The following FYB2 variants were observed in gnomAD, a reference collection of about 807,000 sequenced individuals.
The protein encoded by FYB2 is FYN binding protein 2, also known as FYN-binding protein 2.
FYB2 carries 103 observed loss-of-function variants against 94.1 expected under a neutral mutation model. That is an observed-to-expected ratio of 1.09 (90% CI 0.93 to 1.29). The LOEUF (loss-of-function observed/expected upper bound fraction) is 1.29, where lower values mean the gene tolerates loss of function less well. FYB2 is among the 50% of genes most tolerant of loss of function. FYB2 has a pLI of 0.00. For synonymous variants in FYB2, 293 were observed against 287.9 expected, an observed-to-expected ratio of 1.02 and a Z score of -0.18; for missense variants, 896 against 841.5, an observed-to-expected ratio of 1.06 and a Z score of -0.80.
At chr1:56,781,782 T>A (rs1285885536) in intron 4 of FYB2, among the ~76,000 whole-genome samples, 1 of 152,202 alleles carries the variant, frequency 6.6e-6, no homozygotes, top group Non-Finnish European at 1.5e-5. Context: ...GCTCACAAGA[T>A]ACTCCACCTC....
At chr1:56,786,847 T>A (rs1646142726) in intron 4 of FYB2, among the ~76,000 whole-genome samples, 1 of 152,134 alleles carries the variant, frequency 6.6e-6, no homozygotes. Context: ...ATTCCTAACA[T>A]CACACCAGCT....
intron 1 of FYB2, among the ~76,000 whole-genome samples, chr1:56,807,306 C>T (rs1646670153): frequency 6.6e-6 from 1 of 152,252 alleles, no homozygotes; most frequent in East Asian, 1.9e-4. Context: ...ACTCCTCAGC[C>T]GATGTGGCCA....
chr1:56,776,735 G>T (rs147804627), intron 4 of FYB2, among the ~76,000 whole-genome samples: 1 of 152,102 alleles, frequency 6.6e-6, no homozygotes. Context: ...ATAGGAGCCT[G>T]GTCTCCTGAC....
At chr1:56,826,068 G>T in the FYB2 span, among the ~76,000 whole-genome samples, 1 of 152,174 alleles carries the variant, frequency 6.6e-6, no homozygotes, top group African/African-American at 2.4e-5. Flanking sequence ...GTGCCCGATG[G>T]TCACTGGCAC....
At chr1:56,815,272 T>G (rs1646857610) in intron 1 of FYB2, among the ~76,000 whole-genome samples, 2 of 151,980 alleles carry the variant, frequency 1.3e-5, no homozygotes, top group African/African-American at 4.8e-5. Context: ...TGCCACTTCC[T>G]CCTCCTCTGA....
intron 14 of FYB2, among the ~76,000 whole-genome samples, chr1:56,737,812 C>T (rs1187746288): frequency 6.6e-6 from 1 of 152,030 alleles, no homozygotes; most frequent in African/African-American, 2.4e-5. Flanking sequence ...TAAATACCTT[C>T]AAATGTGGGT....
intron 4 of FYB2, among the ~76,000 whole-genome samples, chr1:56,776,272 A>G (rs1181161961): frequency 6.6e-6 from 1 of 152,136 alleles, no homozygotes; most frequent in African/African-American, 2.4e-5. Flanking sequence ...TCTTTTATAT[A>G]TTAGTTATTT....
intron 1 of FYB2, among the ~76,000 whole-genome samples, chr1:56,807,675 A>T (rs1356332505): frequency 3.3e-5 from 5 of 152,230 alleles, no homozygotes; most frequent in South Asian, 4.1e-4. Flanking sequence ...AGAACCTCAG[A>T]TTCTTCTAAC....
At chr1:56,770,658 A>G (rs1553161840) in intron 4 of FYB2, among the ~76,000 whole-genome samples, 2 of 152,156 alleles carry the variant, frequency 1.3e-5, no homozygotes, top group Non-Finnish European at 2.9e-5. Context: ...AAAGTGAAAA[A>G]GGTTATTTTA....
At chr1:56,771,484 T>C (rs191391040) in intron 4 of FYB2, among the ~76,000 whole-genome samples, 216 of 152,122 alleles carry the variant, frequency 1.4e-3, no homozygotes, top group African/African-American at 4.8e-3. Context: ...ATGATTGGAG[T>C]TGCCTCTGCA....
chr1:56,723,512 AC>A, intron 17 of FYB2, 75 bp downstream of exon 17: 1 of 793,690 alleles, frequency 1.3e-6, no homozygotes. Flanking sequence ...GGCACAGCAT[AC>A]TTACAGATTT....
chr1:56,820,885 A>C (rs569123734), upstream of FYB2, among the ~76,000 whole-genome samples: 1 of 152,338 alleles, frequency 6.6e-6, no homozygotes, highest in Admixed American at 6.5e-5. Flanking sequence ...ACCTTGTGTA[A>C]TCGTGCTGAT....
At chr1:56,769,535 T>A (rs978381082) in intron 4 of FYB2, among the ~76,000 whole-genome samples, 1 of 152,184 alleles carries the variant, frequency 6.6e-6, no homozygotes, top group Non-Finnish European at 1.5e-5. Flanking sequence ...AGCTATACTA[T>A]TATTTTCCAT....
intron 8 of FYB2, among the ~76,000 whole-genome samples, chr1:56,753,113 C>T (rs1369128038): frequency 6.6e-6 from 1 of 152,032 alleles, no homozygotes; most frequent in Non-Finnish European, 1.5e-5. Flanking sequence ...GTTTGACTTA[C>T]CCTACTTCTG....
chr1:56,797,425 C>A (rs1033377779), intron 1 of FYB2, among the ~76,000 whole-genome samples: 1 of 152,178 alleles, frequency 6.6e-6, no homozygotes, highest in Non-Finnish European at 1.5e-5. Context: ...TCTCTACCTA[C>A]CTTACCCTGG....
At chr1:56,731,861 A>G (rs951779508) in intron 15 of FYB2, 2 of 152,192 alleles carry the variant, frequency 1.3e-5, no homozygotes, top group African/African-American at 2.4e-5. Context: ...AATAAAGGCC[A>G]TATATAACAA....
intron 3 of FYB2, 85 bp from the exon 4 acceptor site, chr1:56,787,293 C>T (rs916006205): frequency 6.6e-7 from 1 of 1,522,926 alleles, no homozygotes; most frequent in Middle Eastern, 1.7e-4. Flanking sequence ...GACTTGATCC[C>T]ACAGATAATG....
At chr1:56,746,555 A>G (rs918780211) in intron 9 of FYB2, among the ~76,000 whole-genome samples, 5 of 152,012 alleles carry the variant, frequency 3.3e-5, no homozygotes, top group African/African-American at 1.2e-4. Context: ...ATAATTTAGT[A>G]TGCACTCTAT....
chr1:56,723,215 A>ACACACACACG (rs1644520059), intron 17 of FYB2, among the ~76,000 whole-genome samples: 1 of 151,230 alleles, frequency 6.6e-6, no homozygotes, highest in African/African-American at 2.5e-5. Flanking sequence ...ACACACACAC[A>ACACACACACG]CACACACACG....
Sources: gnomAD v4.1 joint callset for allele counts (sites outside exome capture counted in the v4.1 genomes callset) on GRCh38, gnomAD v4.1.1 for gene constraint, MANE v1.5 for transcripts, NCBI Gene and HGNC (gene_info 2026-07-23, HGNC 2026-07-21) for gene names.